The following AKNA variants were observed in gnomAD, a reference collection of about 807,000 sequenced individuals.
AKNA encodes AT-hook transcription factor.
AKNA carries 67 observed loss-of-function variants against 138.8 expected under a neutral mutation model. That is an observed-to-expected ratio of 0.48 (90% confidence interval 0.40 to 0.59). The LOEUF is 0.59. Among genes scored for constraint, AKNA ranks in the 20% least tolerant of loss-of-function variants. The probability of loss-of-function intolerance (pLI) is 0.00; values close to 1 mark genes in which losing one functional copy is unlikely to be tolerated. For missense variants in AKNA, 1,813 were observed against 1,880.4 expected, an observed-to-expected ratio of 0.96 and a Z score of 0.66; for synonymous variants, 737 against 754.4, an observed-to-expected ratio of 0.98 and a Z score of 0.38.
chr9:114,356,793 C>A, intron 13 of AKNA, 70 bp downstream of exon 13: 2 of 1,345,150 alleles, frequency 1.5e-6, no homozygotes, highest in Non-Finnish European at 2.0e-6. Context: ...TGGGCCATCA[C>A]AGGCACTGTG....
rs940257689 is a variant in AKNA, at chr9:114,335,809, AAAAG to A, written c.*1241_*1244del. 9 of 152,114 alleles carry A rather than the reference AAAAG, an allele frequency of 5.9e-5. No individual in the cohort carries two copies. Among genetic ancestry groups the A allele is most frequent in the African/African-American group, 1.4e-4 (6 of 41,382 alleles). The allele number at this position is 152,114 out of a possible 1,614,324, so 9.4% of individuals were successfully genotyped here. ...AAAAAGAAAAAGAAAAAAGAAAAAA[AAAAG>A]AAAGAAAGGAGCACTGGAGAGTCCA... On this transcript the variant is annotated 3_prime_UTR_variant, in exon 22 of 22. Transcript: ENST00000374088.
chr9:114,347,127 C>T (rs754640180), intron 16 of AKNA, among the ~76,000 whole-genome samples: 11 of 152,080 alleles, frequency 7.2e-5, no homozygotes, highest in Admixed American at 1.3e-4. Context: ...GAACAAACAC[C>T]GAATTAATGG....
intron 14 of AKNA, among the ~76,000 whole-genome samples, chr9:114,351,827 T>C (rs138449066): frequency 1.3e-5 from 2 of 152,032 alleles, no homozygotes; most frequent in African/African-American, 4.8e-5. Flanking sequence ...CAAGACCCTG[T>C]CTCAAAAACA....
At chr9:114,372,695 C>T (rs1259926500) in intron 4 of AKNA, among the ~76,000 whole-genome samples, 1 of 152,284 alleles carries the variant, frequency 6.6e-6, no homozygotes, top group South Asian at 2.1e-4. Context: ...GGTCTGATGA[C>T]CAGTTCCTTT....
At chr9:114,351,796 A>C (rs906944706) in intron 14 of AKNA, among the ~76,000 whole-genome samples, 1 of 152,128 alleles carries the variant, frequency 6.6e-6, no homozygotes, top group African/African-American at 2.4e-5. Context: ...GCGACACTGC[A>C]CTGCAGCCTG....
chr9:114,362,696 G>T (rs1832068778), intron 7 of AKNA, among the ~76,000 whole-genome samples, 163 bp from the exon 8 acceptor site: 1 of 152,224 alleles, frequency 6.6e-6, no homozygotes, highest in Admixed American at 6.5e-5. Context: ...GAGGCTGCCT[G>T]CCCTGGAGAG....
At position 114,341,566 on chromosome 9, in the gene AKNA, G is replaced by A. The variant is rs141050783; in HGVS notation, c.4034C>T (p.Ser1345Leu). The A allele has an allele frequency of 5.6e-6, 9 of 1,614,104 alleles. No homozygotes were observed. Among genetic ancestry groups the A allele is most frequent in the African/African-American group, 1.3e-5 (1 of 75,036 alleles). ...AGGTGGATAAGGCATGATGGGAACC[G>A]AGGAGATGTAGGCAAAGGCTGGAGG... ...PAPPAFAYIS[S>L]VPIMPYPPAA... The change falls in exon 21 of 22, where the codon TCG becomes TTG. Residue 1345 changes from serine to leucine, a missense_variant. Coordinates refer to ENST00000374088, the MANE Select transcript of AKNA (RefSeq NM_001317950.2).
intron 7 of AKNA, among the ~76,000 whole-genome samples, chr9:114,364,293 C>A (rs1289096809): frequency 6.6e-6 from 1 of 151,972 alleles, no homozygotes; most frequent in Non-Finnish European, 1.5e-5. Flanking sequence ...AACTGCTTCA[C>A]TGGGTTTTGA....
upstream of AKNA, among the ~76,000 whole-genome samples, chr9:114,392,814 G>A (rs1048213483): frequency 6.6e-6 from 1 of 152,124 alleles, no homozygotes; most frequent in African/African-American, 2.4e-5. Context: ...TCTTCCCTGC[G>A]ACCCTTAAAC....
At chr9:114,373,240 A>G (rs1252165375) in intron 4 of AKNA, among the ~76,000 whole-genome samples, 1 of 152,088 alleles carries the variant, frequency 6.6e-6, no homozygotes, top group Non-Finnish European at 1.5e-5. Flanking sequence ...TTCCTGCCTC[A>G]CTCAGAAAAG....
chr9:114,368,630 A>G (rs1330056114), intron 4 of AKNA, 35 bp from the exon 5 acceptor site: 4 of 1,339,810 alleles, frequency 3.0e-6, no homozygotes. Flanking sequence ...CAGCCAAGTC[A>G]GGGTAGGGGC....
chr9:114,376,008 C>G (rs1262008245), intron 3 of AKNA: 1 of 452,114 alleles, frequency 2.2e-6, no homozygotes, highest in Admixed American at 2.4e-5. Flanking sequence ...CACCCCAGGC[C>G]TCCCCACCCC....
At chr9:114,343,142 A>G (rs1287392877) in intron 19 of AKNA, among the ~76,000 whole-genome samples, 1 of 152,236 alleles carries the variant, frequency 6.6e-6, no homozygotes, top group African/African-American at 2.4e-5. Context: ...AACCCTTAAC[A>G]TGACACCCTC....
upstream of AKNA, among the ~76,000 whole-genome samples, chr9:114,395,736 TAAAAAAAAAA>T (rs11297740): frequency 2.7e-4 from 29 of 108,254 alleles, no homozygotes; most frequent in South Asian, 7.2e-3. Flanking sequence ...CAGCTGTCTT[TAAAAAAAAAA>T]AAAAAAAAAA....
downstream of AKNA, among the ~76,000 whole-genome samples, chr9:114,332,108 G>A (rs1432611066): frequency 6.6e-6 from 1 of 151,716 alleles, no homozygotes; most frequent in Non-Finnish European, 1.5e-5. Flanking sequence ...GGTGGTGGAT[G>A]AGAGCCCAGG....
Position 114,351,019 on chromosome 9 carries a change from C to T in AKNA, c.3061G>A (p.Val1021Ile). Reference protein sequence around the residue: ...LERTLAAEMAVPGSEFEGHKR... With the variant: ...LERTLAAEMAIPGSEFEGHKR... ...TGCCCCTCAAACTCTGAGCCAGGAA[C>T]CGCTAGGGAGGCAGAGAGAGAACCC... Residue 1021 changes from valine to isoleucine, a missense_variant and splice_region_variant, in exon 15 of 22, where the codon GTT becomes ATT. Val to Ile is a conservative substitution (Grantham distance 29). Coordinates refer to ENST00000374088, the MANE Select transcript of AKNA (RefSeq NM_001317950.2). 1 of 1,613,502 alleles carries T rather than the reference C, an allele frequency of 6.2e-7. No individual in the cohort carries two copies. The highest frequency in any genetic ancestry group is 8.5e-7 in the Non-Finnish European group (1 of 1,179,816).
At chr9:114,342,780 C>T (rs1830444424) in intron 19 of AKNA, among the ~76,000 whole-genome samples, 1 of 144,184 alleles carries the variant, frequency 6.9e-6, no homozygotes, top group African/African-American at 2.6e-5. Flanking sequence ...CCCACTCGTG[C>T]TCCCCTACCC....
intron 17 of AKNA, 21 bp downstream of exon 17, chr9:114,346,648 C>A: frequency 6.3e-7 from 1 of 1,578,210 alleles, no homozygotes; most frequent in South Asian, 1.1e-5. Flanking sequence ...TGGAAATCAG[C>A]CTTTGCAGGT....
intron 21 of AKNA, among the ~76,000 whole-genome samples, chr9:114,337,664 C>G (rs946367858): frequency 1.3e-5 from 2 of 152,008 alleles, no homozygotes; most frequent in Non-Finnish European, 2.9e-5. Flanking sequence ...CTTCTTGGAG[C>G]CGGATCTTGG....
Sources: gnomAD v4.1 joint callset for allele counts (sites outside exome capture counted in the v4.1 genomes callset) on GRCh38, gnomAD v4.1.1 for gene constraint, MANE v1.5 for transcripts, NCBI Gene and HGNC (gene_info 2026-07-23, HGNC 2026-07-21) for gene names.